The following PURG variants were observed in gnomAD, a reference collection of about 807,000 sequenced individuals.
PURG encodes the protein purine rich element binding protein G, also known as purine-rich element-binding protein gamma.
A neutral mutation model predicts 24.3 loss-of-function variants in PURG; 3 were observed. The observed-to-expected ratio is 0.12, with a 90% CI of 0.06 to 0.32. The LOEUF (loss-of-function observed/expected upper bound fraction) is 0.32, where lower values mean the gene tolerates loss of function less well. PURG is among the 10% of genes least tolerant of loss of function. The probability of loss-of-function intolerance (pLI) is 1.00; values close to 1 mark genes in which losing one functional copy is unlikely to be tolerated. For missense variants in PURG, 371 were observed against 439.1 expected (o/e 0.84, Z 1.39); for synonymous variants, 180 against 173.1 (o/e 1.04, Z -0.31).
intron 1 of PURG, among the ~76,000 whole-genome samples, chr8:31,013,472 T>TGTATATATG (rs1810800516): frequency 6.6e-6 from 1 of 152,206 alleles, no homozygotes; most frequent in Non-Finnish European, 1.5e-5. Context: ...GCGCGGCGGC[T>TGTATATATG]CATGCCTGTA....
At chr8:31,026,843 T>C (rs1335616390), downstream of PURG, among the ~76,000 whole-genome samples, 1 of 151,376 alleles carries the variant, frequency 6.6e-6, no homozygotes, top group Non-Finnish European at 1.5e-5. Flanking sequence ...TTTAAATGAT[T>C]TAAAATAGCA....
Position 31,031,564 on chromosome 8 carries a change from T to C in PURG, c.*175A>G. ...AAGGTTGGAATTCCCGTAAGAATTA[T>C]AGTGATCTATGTGTAACATAACATG... On this transcript the variant is annotated 3_prime_UTR_variant, in exon 2 of 2. Coordinates refer to ENST00000523392, the MANE Select transcript of PURG (RefSeq NM_001323311.2). 1 of 642,846 alleles carries C rather than the reference T, an allele frequency of 1.6e-6. No homozygotes were observed. The highest frequency in any genetic ancestry group is 2.1e-5 in the South Asian group (1 of 48,220). 39.8% of individuals were successfully genotyped at this position (642,846 alleles called of 1,614,324 possible).
intron 1 of PURG, among the ~76,000 whole-genome samples, chr8:31,015,906 C>A (rs187005679): frequency 4.0e-4 from 61 of 151,798 alleles, no homozygotes; most frequent in South Asian, 1.0e-3. Flanking sequence ...AAAAAAAATT[C>A]GCCAGGCATG....
At chr8:31,013,874 G>A (rs1173296923) in intron 1 of PURG, among the ~76,000 whole-genome samples, 1 of 152,088 alleles carries the variant, frequency 6.6e-6, no homozygotes, top group Non-Finnish European at 1.5e-5. Context: ...ATTTTGGGGT[G>A]GTATGATGAT....
chr8:31,018,022 T>G (rs1343315409), intron 1 of PURG, among the ~76,000 whole-genome samples: 1 of 152,172 alleles, frequency 6.6e-6, no homozygotes, highest in Non-Finnish European at 1.5e-5. Context: ...CTTCATATTT[T>G]TGAAAACAGA....
intron 1 of PURG, among the ~76,000 whole-genome samples, chr8:31,022,924 T>G (rs915140872): frequency 2.0e-5 from 3 of 152,258 alleles, no homozygotes; most frequent in African/African-American, 2.4e-5. Context: ...TACATCATTT[T>G]CTATGGCTCT....
chr8:31,018,462 C>G (rs1280140597), intron 1 of PURG, among the ~76,000 whole-genome samples: 1 of 152,166 alleles, frequency 6.6e-6, no homozygotes, highest in Non-Finnish European at 1.5e-5. Flanking sequence ...TTAAAGTTTG[C>G]CCTAATGTTG....
chr8:31,019,534 T>G (rs1810953029), intron 1 of PURG, among the ~76,000 whole-genome samples: 1 of 151,530 alleles, frequency 6.6e-6, no homozygotes, highest in Non-Finnish European at 1.5e-5. Context: ...GGTTTCACTA[T>G]GTAGGTCAAG....
rs1052154553 is a variant in PURG, at chr8:31,031,280, T to G, written c.*459A>C. ...GTACTTTTATAAGTAAATATTTATA[T>G]ATACCGGAGGTCAATTTCTGTTTCT... On this transcript the variant is annotated 3_prime_UTR_variant, in exon 2 of 2. Transcript: ENST00000523392. 1 of 158,578 alleles carries G rather than the reference T, an allele frequency of 6.3e-6. No homozygotes were observed. The highest frequency in any genetic ancestry group is 1.4e-5 in the Non-Finnish European group (1 of 71,596). The allele number at this position is 158,578 out of a possible 1,614,324, so 9.8% of individuals were successfully genotyped here.
chr8:31,016,166 G>A (rs1810859898), intron 1 of PURG, among the ~76,000 whole-genome samples: 1 of 151,984 alleles, frequency 6.6e-6, no homozygotes, highest in South Asian at 2.1e-4. Context: ...GGTCAGCTGA[G>A]GCTAGGAGTT....
At chr8:31,022,583 G>A (rs935277476) in intron 1 of PURG, among the ~76,000 whole-genome samples, 4 of 152,208 alleles carry the variant, frequency 2.6e-5, no homozygotes, top group Non-Finnish European at 4.4e-5. Flanking sequence ...GATGGAGTGG[G>A]TCCATGTGAT....
Position 31,032,576 on chromosome 8 carries a change from T to C in PURG, c.207A>G (p.Lys69=). Residue 69 remains lysine, a synonymous_variant, in exon 2 of 2, where the codon AAA becomes AAG. Coordinates refer to ENST00000523392, the MANE Select transcript of PURG (RefSeq NM_001323311.2). The surrounding 1 kb of genome is among the most constrained non-coding windows in gnomAD (Gnocchi z 5.9). The stretch of plus-strand genomic sequence containing the variant: ...GCTTCACGTCTAGGTAAAACCTCTT[T>C]TTCTGGATGTCCACTCGTTTGGAGG... The part of the protein sequence containing the change: ...ELASKRVDIQ[K]KRFYLDVKQS... The C allele has an allele frequency of 6.2e-7, 1 of 1,612,820 alleles. No individual in the cohort carries two copies. Among genetic ancestry groups the C allele is most frequent in the South Asian group, 1.1e-5 (1 of 91,026 alleles).
intron 1 of PURG, among the ~76,000 whole-genome samples, chr8:31,000,704 C>T (rs1209747670): frequency 6.6e-6 from 1 of 152,104 alleles, no homozygotes; most frequent in Non-Finnish European, 1.5e-5. Flanking sequence ...CTAAATGGGT[C>T]CCTTCCTTGA....
intron 1 of PURG, among the ~76,000 whole-genome samples, chr8:31,012,539 C>G (rs192640248): frequency 6.6e-6 from 1 of 152,008 alleles, no homozygotes; most frequent in Non-Finnish European, 1.5e-5. Context: ...AGATGAGAGA[C>G]GAAACCAAGG....
chr8:30,995,893 A>G (rs1293863423), exon 2 of PURG: 1 of 152,014 alleles, frequency 6.6e-6, no homozygotes, highest in Non-Finnish European at 1.5e-5. Context: ...AGAGGAAGGG[A>G]GGAAAGTTTT....
In PURG at chr8:31,031,644, C is replaced by A. The variant is rs552642784; in HGVS notation, c.*95G>T. Reference sequence around the variant, plus strand: ...TAGAGGTATTACTAATAACAACGGGCCAAAAAAGAGGAAAAACTTCTTCAA... The same window carrying A: ...TAGAGGTATTACTAATAACAACGGGACAAAAAAGAGGAAAAACTTCTTCAA... On this transcript the variant is annotated 3_prime_UTR_variant, in exon 2 of 2. Coordinates refer to ENST00000523392, the MANE Select transcript of PURG (RefSeq NM_001323311.2). 9.8e-6 allele frequency: 12 copies of A among 1,227,412 alleles called. No homozygotes were observed. In the South Asian group the frequency reaches 1.7e-4, roughly 18 times the overall value. The allele number at this position is 1,227,412 out of a possible 1,614,324, so 76.0% of individuals were successfully genotyped here. A position where few individuals can be genotyped will look rare whatever the true frequency, so the allele number is the denominator to read the frequency against.
intron 1 of PURG, among the ~76,000 whole-genome samples, chr8:30,997,966 T>A (rs932440220): frequency 6.6e-6 from 1 of 151,748 alleles, no homozygotes; most frequent in African/African-American, 2.4e-5. Context: ...GATGTTTTAA[T>A]GTTTTAGAAT....
intron 1 of PURG, among the ~76,000 whole-genome samples, chr8:31,004,324 A>G (rs1257014764): frequency 6.6e-6 from 1 of 152,252 alleles, no homozygotes; most frequent in Non-Finnish European, 1.5e-5. Flanking sequence ...AGGGCTTAAA[A>G]GCTCCTGAGG....
intron 1 of PURG, chr8:30,996,821 A>C (rs955217985): frequency 2.2e-5 from 17 of 758,030 alleles, no homozygotes; most frequent in Middle Eastern, 4.0e-4. Context: ...GCATGTAACA[A>C]ACCCTCAATT....
Sources: gnomAD v4.1 joint callset for allele counts (sites outside exome capture counted in the v4.1 genomes callset) on GRCh38, gnomAD v4.1.1 for gene constraint, Gnocchi (gnomAD v3.1) non-coding constraint, MANE v1.5 for transcripts, NCBI Gene and HGNC (gene_info 2026-07-23, HGNC 2026-07-21) for gene names.